ERI3: variants seen among roughly 807,000 people sequenced by gnomAD.
ERI3 encodes the protein ERI1 exoribonuclease 3.
ERI3 carries 18 observed loss-of-function variants against 44.4 expected under a neutral mutation model. The ratio of observed to expected loss-of-function variants is 0.41; its 90% CI spans 0.28 to 0.60. ERI3 has a LOEUF of 0.60. Ranked by LOEUF, ERI3 falls within the 20% of genes least tolerant of loss-of-function variation. The pLI is 0.36. For missense variants in ERI3, 294 were observed against 435.5 expected (o/e 0.68, Z 2.89); for synonymous variants, 183 against 164.8 (o/e 1.11, Z -0.84).
intron 6 of ERI3, among the ~76,000 whole-genome samples, chr1:44,293,365 G>A (rs746293920): frequency 1.3e-5 from 2 of 152,178 alleles, no homozygotes; most frequent in Non-Finnish European, 2.9e-5. Flanking sequence ...TCTCATCAAG[G>A]TCTTGGGATG....
At chr1:44,306,024 C>A (rs1457759522) in intron 6 of ERI3, among the ~76,000 whole-genome samples, 1 of 152,194 alleles carries the variant, frequency 6.6e-6, no homozygotes, top group African/African-American at 2.4e-5. Flanking sequence ...CCAGGAACAC[C>A]GATTAGCTGT....
intron 7 of ERI3, among the ~76,000 whole-genome samples, chr1:44,272,137 C>A (rs941473949): frequency 2.6e-5 from 4 of 152,170 alleles, no homozygotes; most frequent in African/African-American, 9.7e-5. Flanking sequence ...CAGGTCAACT[C>A]TAGAAGGTGG....
intron 6 of ERI3, among the ~76,000 whole-genome samples, chr1:44,287,528 G>A (rs325162): frequency 0.57 from 86,634 of 152,120 alleles, 26,493 homozygotes; most frequent in East Asian, 0.74. Flanking sequence ...AAGTGGCACA[G>A]TGACATTAAC....
In ERI3 at chr1:44,313,295, C is replaced by T. The variant is rs375264402; in HGVS notation, c.607-67G>A. ...TGAAGGGACTCAAGGCTGAACAGGA[C>T]CCCTTCCTTTCTGTTTTTCTCCTTC... On this transcript the variant is annotated intron_variant, in intron 4 of 8. Coordinates refer to ENST00000372257, the MANE Select transcript of ERI3 (RefSeq NM_024066.3). 2,175 of 1,455,948 alleles carry T rather than the reference C, an allele frequency of 1.5e-3. 47 individuals carry two copies. In the South Asian group the frequency reaches 0.024, roughly 16 times the overall value. The allele number at this position is 1,455,948 out of a possible 1,614,324, so 90.2% of individuals were successfully genotyped here. A position where few individuals can be genotyped will look rare whatever the true frequency, so the allele number is the denominator to read the frequency against.
intron 1 of ERI3, 126 bp from the exon 2 acceptor site, chr1:44,353,051 CAG>C: frequency 6.6e-7 from 1 of 1,523,792 alleles, no homozygotes; most frequent in Non-Finnish European, 8.8e-7. Flanking sequence ...TGTGCAAAGA[CAG>C]TGCCCCCACA....
Position 44,336,000 on chromosome 1 carries a change from G to A in ERI3, c.489+3045C>T, listed in dbSNP as rs532807147. ...TTAAAATCAAGAGCAAGTTGTTATC[G>A]TACTCCTTGGAATAATTACTCCTCA... On this transcript the variant is annotated intron_variant, in intron 3 of 8. Transcript: ENST00000372257. Among the ~76,000 whole-genome samples the A allele has an allele frequency of 1.7e-4, 26 of 151,986 alleles. 1 individual carries two copies. In the South Asian group the frequency reaches 4.4e-3, roughly 26 times the overall value.
Position 44,221,478 on chromosome 1 carries a change from T to A in ERI3, c.*80A>T. ...ACACAGAGCTATGCCACTCTCCCTC[T>A]TCCCCTCTGGTGAGGGAGAGGAGGA... On this transcript the variant is annotated 3_prime_UTR_variant, in exon 9 of 9. Coordinates refer to ENST00000372257, the MANE Select transcript of ERI3 (RefSeq NM_024066.3). This position sits in a 1 kb window ranked among gnomAD's most constrained non-coding sequence, Gnocchi z 5.9. The A allele has an allele frequency of 8.6e-7, 1 of 1,160,642 alleles. No individual in the cohort carries two copies. Among genetic ancestry groups the A allele is most frequent in the Non-Finnish European group, 1.3e-6 (1 of 774,064 alleles). The allele number at this position is 1,160,642 out of a possible 1,614,324, so 71.9% of individuals were successfully genotyped here. A position where few individuals can be genotyped will look rare whatever the true frequency, so the allele number is the denominator to read the frequency against.
At chr1:44,333,737 G>A (rs759284066) in intron 3 of ERI3, among the ~76,000 whole-genome samples, 1 of 152,162 alleles carries the variant, frequency 6.6e-6, no homozygotes, top group East Asian at 1.9e-4. Context: ...CAAAAGACTA[G>A]TAATGATGTG....
intron 3 of ERI3, among the ~76,000 whole-genome samples, chr1:44,329,720 A>C (rs1034113341): frequency 4.6e-5 from 7 of 152,218 alleles, no homozygotes; most frequent in Non-Finnish European, 1.0e-4. Context: ...TCCTAGAGGA[A>C]TAACTACCCA....
rs955676818 is a variant in ERI3 at position 44,295,371 on chromosome 1, T to C, written c.759-10464A>G. Among the ~76,000 whole-genome samples the C allele has an allele frequency of 3.3e-5, 5 of 152,238 alleles. No homozygotes were observed. In the South Asian group the frequency reaches 8.3e-4, roughly 25 times the overall value. ...TCACAGCATTTGTGTTGTGCCTTCA[T>C]TGTAGTGTTTTCATACTCTACCTTA... On this transcript the variant is annotated intron_variant, in intron 6 of 8. Coordinates refer to ENST00000372257, the MANE Select transcript of ERI3 (RefSeq NM_024066.3).
At chr1:44,325,978 C>T (rs1238363052) in intron 3 of ERI3, among the ~76,000 whole-genome samples, 3 of 152,154 alleles carry the variant, frequency 2.0e-5, no homozygotes, top group Non-Finnish European at 4.4e-5. Flanking sequence ...GCATTCTAGC[C>T]CTTTTTTCCT....
chr1:44,322,248 C>T lies in ERI3; in HGVS notation c.490-2504G>A, dbSNP rs1029138470. On this transcript the variant is annotated intron_variant, in intron 3 of 8. Transcript: ENST00000372257. ...TGGGTTTCCGCATTGCAGCAAATAA[C>T]AGCAAATACTGTAGCTCAATATTCA... Among the ~76,000 whole-genome samples, 27 of 152,144 alleles carry T rather than the reference C, an allele frequency of 1.8e-4. 1 individual carries two copies. Among genetic ancestry groups the T allele is most frequent in the Admixed American group, 1.7e-3 (26 of 15,264 alleles).
At chr1:44,254,747 C>T (rs766954540) in intron 7 of ERI3, among the ~76,000 whole-genome samples, 4 of 152,044 alleles carry the variant, frequency 2.6e-5, no homozygotes, top group African/African-American at 4.8e-5. Context: ...TGCCCCTTAT[C>T]TACAAATGCA....
At chr1:44,257,130 A>G (rs979233988) in intron 7 of ERI3, among the ~76,000 whole-genome samples, 5 of 152,130 alleles carry the variant, frequency 3.3e-5, no homozygotes, top group African/African-American at 1.2e-4. Context: ...CCCGGCTCCA[A>G]TAAGTGTATT....
At chr1:44,249,064 T>C (rs2154318267) in intron 7 of ERI3, among the ~76,000 whole-genome samples, 1 of 152,270 alleles carries the variant, frequency 6.6e-6, no homozygotes, top group Middle Eastern at 3.4e-3. Context: ...CACTATGAAG[T>C]AGCCAAATAG....
intron 7 of ERI3, among the ~76,000 whole-genome samples, chr1:44,251,481 CG>C (rs1483373940): frequency 9.2e-5 from 14 of 152,192 alleles, no homozygotes; most frequent in Non-Finnish European, 2.1e-4. Flanking sequence ...TGAGGAGCCA[CG>C]GCTGGCACTC....
At chr1:44,331,233 T>C (rs1035115543) in intron 3 of ERI3, among the ~76,000 whole-genome samples, 1 of 152,150 alleles carries the variant, frequency 6.6e-6, no homozygotes, top group Admixed American at 6.5e-5. Context: ...CTATTTATCT[T>C]TTTGAAGGGT....
chr1:44,318,338 AG>A (rs1646132781), intron 4 of ERI3, among the ~76,000 whole-genome samples: 1 of 152,194 alleles, frequency 6.6e-6, no homozygotes, highest in African/African-American at 2.4e-5. Context: ...GCTTAAAGAA[AG>A]TCTTTCCTTC....
intron 8 of ERI3, among the ~76,000 whole-genome samples, chr1:44,234,888 G>A (rs941972617): frequency 1.3e-5 from 2 of 152,054 alleles, no homozygotes; most frequent in Middle Eastern, 3.4e-3. Flanking sequence ...GATTACACGC[G>A]TGTGCCACCA....
Sources: allele counts gnomAD v4.1 joint callset (sites outside exome capture counted in the v4.1 genomes callset), GRCh38; gene constraint gnomAD v4.1.1; non-coding constraint Gnocchi (gnomAD v3.1); transcripts MANE v1.5; gene names NCBI Gene and HGNC (gene_info 2026-07-23, HGNC 2026-07-21).